CACNA2D3: variants seen among roughly 807,000 people sequenced by gnomAD.
The protein encoded by CACNA2D3 is calcium voltage-gated channel auxiliary subunit alpha2delta 3.
Under a neutral mutation model 160.6 loss-of-function variants are expected in CACNA2D3, and 60 were observed. That is an observed-to-expected ratio of 0.37 (90% CI 0.30 to 0.46). The LOEUF (loss-of-function observed/expected upper bound fraction) is 0.46. Among genes scored for constraint, CACNA2D3 ranks in the 20% least tolerant of loss-of-function variants. CACNA2D3 has a pLI of 1.00. For synonymous variants in CACNA2D3, 558 were observed against 492.9 expected, an observed-to-expected ratio of 1.13 and a Z score of -1.75; for missense variants, 1,205 against 1,365.0, an observed-to-expected ratio of 0.88 and a Z score of 1.85.
At chr3:54,419,806 C>T (rs1032212063) in intron 4 of CACNA2D3, among the ~76,000 whole-genome samples, 2 of 152,182 alleles carry the variant, frequency 1.3e-5, no homozygotes, top group African/African-American at 4.8e-5. Flanking sequence ...TGCTCTGTCA[C>T]CCAGGCTGGA....
At chr3:54,770,903 T>TA (rs1447388288) in intron 13 of CACNA2D3, among the ~76,000 whole-genome samples, 1 of 152,172 alleles carries the variant, frequency 6.6e-6, no homozygotes, top group African/African-American at 2.4e-5. Context: ...AGAAAGTTGC[T>TA]AAAAAATTAC....
In CACNA2D3 at chr3:55,054,439, C is replaced by G. The variant is rs984465235; in HGVS notation, c.2988-19006C>G. 2.2e-4 allele frequency among the ~76,000 whole-genome samples: 33 copies of G among 151,810 alleles called. 1 individual carries two copies. On this transcript the variant is annotated intron_variant, in intron 35 of 37. Coordinates refer to ENST00000474759, the MANE Select transcript of CACNA2D3 (RefSeq NM_018398.3). ...TTCAGTCTGCCTTGAATATATAACA[C>G]TCAGTGAATTTTGGATTTAAAATAT... is the stretch of plus-strand genomic sequence containing the variant.
At chr3:54,531,937 C>T (rs1220438732) in intron 5 of CACNA2D3, among the ~76,000 whole-genome samples, 1 of 152,224 alleles carries the variant, frequency 6.6e-6, no homozygotes, top group Non-Finnish European at 1.5e-5. Context: ...AGAGCAGTTG[C>T]CTTTTTCATT....
intron 2 of CACNA2D3, among the ~76,000 whole-genome samples, chr3:54,288,615 A>G (rs1272060459): frequency 1.3e-5 from 2 of 152,114 alleles, no homozygotes; most frequent in African/African-American, 4.8e-5. Context: ...CAGAGACACA[A>G]CCAAAAAAGA....
At chr3:54,791,851 C>T (rs903078969) in intron 13 of CACNA2D3, among the ~76,000 whole-genome samples, 1 of 152,160 alleles carries the variant, frequency 6.6e-6, no homozygotes, top group African/African-American at 2.4e-5. Flanking sequence ...ATAGTCAGTA[C>T]AAACATAAGT....
chr3:54,385,184 G>A (rs1029659046), intron 3 of CACNA2D3, among the ~76,000 whole-genome samples: 1 of 152,200 alleles, frequency 6.6e-6, no homozygotes, highest in Non-Finnish European at 1.5e-5. Flanking sequence ...AGACCAGATT[G>A]CTGGTCCTCA....
chr3:54,602,122 G>A (rs990306061), intron 9 of CACNA2D3, among the ~76,000 whole-genome samples: 1 of 152,124 alleles, frequency 6.6e-6, no homozygotes, highest in Non-Finnish European at 1.5e-5. Flanking sequence ...TTGCCATCAG[G>A]ACTGGCTACA....
At chr3:55,043,405 A>T (rs773655764) in intron 35 of CACNA2D3, among the ~76,000 whole-genome samples, 3 of 149,428 alleles carry the variant, frequency 2.0e-5, no homozygotes, top group African/African-American at 4.9e-5. Context: ...TTCCATGACG[A>T]ATAATGATTT....
chr3:54,891,007 A>T (rs1331973889), intron 24 of CACNA2D3, among the ~76,000 whole-genome samples: 2 of 152,178 alleles, frequency 1.3e-5, no homozygotes, highest in African/African-American at 4.8e-5. Flanking sequence ...AGTCCTTCCC[A>T]TTCTTAGCCT....
intron 3 of CACNA2D3, among the ~76,000 whole-genome samples, chr3:54,341,542 C>T (rs1461501710): frequency 1.8e-4 from 27 of 152,312 alleles, no homozygotes; most frequent in Non-Finnish European, 4.4e-5. Context: ...ATCTGGTGTA[C>T]ATAGGATGGC....
intron 13 of CACNA2D3, among the ~76,000 whole-genome samples, chr3:54,812,568 T>C (rs1336238037): frequency 6.6e-6 from 1 of 152,166 alleles, no homozygotes; most frequent in African/African-American, 2.4e-5. Flanking sequence ...GTGGCTGGGT[T>C]CTCTGTCCTC....
chr3:54,914,437 C>T (rs1030328315), intron 27 of CACNA2D3, among the ~76,000 whole-genome samples: 2 of 152,176 alleles, frequency 1.3e-5, no homozygotes, highest in Non-Finnish European at 2.9e-5. Context: ...GATCCCCAGT[C>T]CTCTGATTTG....
chr3:54,945,907 G>C (rs1277453056), intron 27 of CACNA2D3, among the ~76,000 whole-genome samples: 1 of 152,100 alleles, frequency 6.6e-6, no homozygotes, highest in Non-Finnish European at 1.5e-5. Context: ...GATGGCGGGG[G>C]CCATCCTCGT....
intron 14 of CACNA2D3, among the ~76,000 whole-genome samples, chr3:54,822,856 C>CTTTT (rs1559595907): frequency 8.4e-6 from 1 of 119,602 alleles, no homozygotes; most frequent in Non-Finnish European, 1.8e-5. Flanking sequence ...TTCTTTCTTT[C>CTTTT]TTTCTTTTTA....
At chr3:54,594,736 A>G (rs551603360) in intron 9 of CACNA2D3, among the ~76,000 whole-genome samples, 6 of 152,364 alleles carry the variant, frequency 3.9e-5, no homozygotes, top group East Asian at 1.9e-4. Context: ...GCATTTTGCA[A>G]TTTAGAAAAT....
At chr3:54,835,069 A>G (rs1182810726) in intron 14 of CACNA2D3, among the ~76,000 whole-genome samples, 1 of 152,244 alleles carries the variant, frequency 6.6e-6, no homozygotes, top group Non-Finnish European at 1.5e-5. Flanking sequence ...ACTGAGCATG[A>G]TGGCCTAGCC....
chr3:54,713,126 C>T (rs749197947), intron 11 of CACNA2D3, among the ~76,000 whole-genome samples: 1 of 152,080 alleles, frequency 6.6e-6, no homozygotes, highest in African/African-American at 2.4e-5. Flanking sequence ...CTTTGTGACC[C>T]CATTATGTCT....
At chr3:54,520,474 G>T (rs977951027) in intron 5 of CACNA2D3, among the ~76,000 whole-genome samples, 1 of 152,210 alleles carries the variant, frequency 6.6e-6, no homozygotes, top group African/African-American at 2.4e-5. Flanking sequence ...TCAGGAAGGA[G>T]TAACCTTTTA....
At chr3:54,747,062 A>C (rs532640515) in intron 11 of CACNA2D3, among the ~76,000 whole-genome samples, 1 of 152,214 alleles carries the variant, frequency 6.6e-6, no homozygotes, top group Non-Finnish European at 1.5e-5. Flanking sequence ...TCTTTAGTAA[A>C]TTGTAGGAAT....
Sources: gnomAD v4.1 joint callset for allele counts (sites outside exome capture counted in the v4.1 genomes callset) on GRCh38, gnomAD v4.1.1 for gene constraint, MANE v1.5 for transcripts, NCBI Gene and HGNC (gene_info 2026-07-23, HGNC 2026-07-21) for gene names.